The following GUCY1A2 variants were observed in gnomAD, a reference collection of about 807,000 sequenced individuals.
GUCY1A2 encodes the protein guanylate cyclase soluble subunit alpha-2.
In GUCY1A2, 27 loss-of-function variants were observed where a neutral mutation model predicts 63.5. The observed-to-expected ratio is 0.43, with a 90% CI of 0.31 to 0.59. GUCY1A2 has a LOEUF of 0.59. GUCY1A2 is among the 20% of genes least tolerant of loss of function. The probability of loss-of-function intolerance (pLI) is 0.11; values close to 1 mark genes in which losing one functional copy is unlikely to be tolerated. For missense variants in GUCY1A2, 768 were observed against 913.3 expected, an observed-to-expected ratio of 0.84 and a Z score of 2.05; for synonymous variants, 364 against 343.5, an observed-to-expected ratio of 1.06 and a Z score of -0.66.
intron 1 of GUCY1A2, among the ~76,000 whole-genome samples, chr11:107,004,975 G>T (rs181962404): frequency 6.6e-6 from 1 of 152,276 alleles, no homozygotes; most frequent in East Asian, 1.9e-4. Context: ...CTCTGTTAAA[G>T]TCCTATGACC....
At chr11:106,737,942 C>G (rs1308749011) in intron 6 of GUCY1A2, among the ~76,000 whole-genome samples, 1 of 152,122 alleles carries the variant, frequency 6.6e-6, no homozygotes, top group Non-Finnish European at 1.5e-5. Flanking sequence ...AATGGTAATT[C>G]TGGTTCTAGA....
At chr11:106,755,472 T>C (rs1196727816) in intron 6 of GUCY1A2, among the ~76,000 whole-genome samples, 1 of 152,204 alleles carries the variant, frequency 6.6e-6, no homozygotes, top group Non-Finnish European at 1.5e-5. Flanking sequence ...CTGCTTTCTC[T>C]TGTGGGTATT....
Position 106,674,934 on chromosome 11 carries a change from C to A in GUCY1A2, c.*12615G>T, listed in dbSNP as rs1862320214. Reference sequence around the variant, plus strand: ...CCTATTTATTATTATATAGTGCCTGCAGACTTGATGGAAGTGCATTGGCTG... The same window carrying A: ...CCTATTTATTATTATATAGTGCCTGAAGACTTGATGGAAGTGCATTGGCTG... On this transcript the variant is annotated 3_prime_UTR_variant, in exon 8 of 8. Transcript: ENST00000526355. The A allele has an allele frequency of 4.6e-6, 1 of 215,676 alleles. No individual in the cohort carries two copies. The highest frequency in any genetic ancestry group is 2.3e-5 in the African/African-American group (1 of 44,298). 13.4% of individuals were successfully genotyped at this position (215,676 alleles called of 1,614,324 possible).
chr11:106,798,820 C>A (rs2135417290), intron 5 of GUCY1A2, among the ~76,000 whole-genome samples: 1 of 151,862 alleles, frequency 6.6e-6, no homozygotes, highest in East Asian at 1.9e-4. Context: ...ACTGAATGGG[C>A]AAAAACTGGA....
At chr11:106,964,754 C>T (rs192180558) in intron 3 of GUCY1A2, among the ~76,000 whole-genome samples, 39 of 152,136 alleles carry the variant, frequency 2.6e-4, no homozygotes, top group African/African-American at 7.2e-4. Flanking sequence ...CCAAGGCGGG[C>T]GGATCATGAG....
At chr11:106,984,172 T>TA (rs1861372608) in intron 2 of GUCY1A2, among the ~76,000 whole-genome samples, 1 of 152,124 alleles carries the variant, frequency 6.6e-6, no homozygotes, top group Non-Finnish European at 1.5e-5. Flanking sequence ...TGAATGCAAA[T>TA]AAAGTCAGTG....
At chr11:106,728,645 A>G (rs1271294581) in intron 6 of GUCY1A2, among the ~76,000 whole-genome samples, 3 of 152,158 alleles carry the variant, frequency 2.0e-5, no homozygotes, top group African/African-American at 4.8e-5. Flanking sequence ...TTAGGCAAAA[A>G]TATATTTACT....
At chr11:106,700,171 C>CTAA (rs1862795228) in intron 7 of GUCY1A2, among the ~76,000 whole-genome samples, 1 of 151,966 alleles carries the variant, frequency 6.6e-6, no homozygotes, top group Non-Finnish European at 1.5e-5. Flanking sequence ...GCAATTAGAC[C>CTAA]TTTAAGAGTA....
intron 4 of GUCY1A2, among the ~76,000 whole-genome samples, chr11:106,816,094 A>G (rs936475367): frequency 2.0e-5 from 3 of 151,828 alleles, no homozygotes; most frequent in East Asian, 3.9e-4. Context: ...CAAAAACAAC[A>G]AAATCTACAA....
At chr11:106,994,583 C>T (rs1429872781) in intron 1 of GUCY1A2, among the ~76,000 whole-genome samples, 1 of 152,200 alleles carries the variant, frequency 6.6e-6, no homozygotes, top group Non-Finnish European at 1.5e-5. Flanking sequence ...CTATTAGATA[C>T]TCACAACAAT....
chr11:106,925,919 C>T (rs555300801), intron 4 of GUCY1A2, among the ~76,000 whole-genome samples: 4 of 152,156 alleles, frequency 2.6e-5, no homozygotes, highest in Non-Finnish European at 2.9e-5. Context: ...ATAAACCATT[C>T]GTTCTGGTGA....
At chr11:106,800,316 G>T (rs533207649) in intron 5 of GUCY1A2, among the ~76,000 whole-genome samples, 44 of 152,298 alleles carry the variant, frequency 2.9e-4, no homozygotes, top group African/African-American at 9.6e-4. Flanking sequence ...CAACCATCGT[G>T]GAAGACAGTG....
At chr11:106,947,164 C>T (rs1860840736) in intron 3 of GUCY1A2, among the ~76,000 whole-genome samples, 1 of 150,948 alleles carries the variant, frequency 6.6e-6, no homozygotes, top group Non-Finnish European at 1.5e-5. Context: ...TTGCAGTGAG[C>T]CAAGATCGCA....
chr11:106,923,235 T>A (rs1399927492), intron 4 of GUCY1A2, among the ~76,000 whole-genome samples: 3 of 152,200 alleles, frequency 2.0e-5, no homozygotes, highest in Non-Finnish European at 2.9e-5. Context: ...ATATAATACC[T>A]TACATAAGCA....
At chr11:106,706,504 T>C (rs1862913920) in intron 7 of GUCY1A2, among the ~76,000 whole-genome samples, 1 of 150,906 alleles carries the variant, frequency 6.6e-6, no homozygotes, top group South Asian at 2.1e-4. Flanking sequence ...ACAAAAACTC[T>C]GAGTCACCAC....
In GUCY1A2 at chr11:106,687,404, A is replaced by T. The variant is rs1296173958; in HGVS notation, c.*145T>A. 1 of 665,454 alleles carries T rather than the reference A, an allele frequency of 1.5e-6. No homozygotes were observed. The highest frequency in any genetic ancestry group is 2.7e-6 in the Non-Finnish European group (1 of 375,620). 41.2% of individuals were successfully genotyped at this position (665,454 alleles called of 1,614,324 possible). On this transcript the variant is annotated 3_prime_UTR_variant, in exon 8 of 8. Coordinates refer to ENST00000526355, the MANE Select transcript of GUCY1A2 (RefSeq NM_000855.3). Reference sequence around the variant, plus strand: ...ACAGCGGTCACCTCCACCTTTTAGTAGGATTATTGCCTGACATAATACAGA... The same window carrying T: ...ACAGCGGTCACCTCCACCTTTTAGTTGGATTATTGCCTGACATAATACAGA...
chr11:106,917,493 T>C (rs1365902477), intron 4 of GUCY1A2, among the ~76,000 whole-genome samples: 3 of 144,948 alleles, frequency 2.1e-5, no homozygotes, highest in Non-Finnish European at 4.6e-5. Context: ...CATATGCACA[T>C]GTATGTTTAT....
intron 4 of GUCY1A2, among the ~76,000 whole-genome samples, chr11:106,928,500 C>A (rs1307945143): frequency 4.7e-4 from 70 of 150,474 alleles, no homozygotes; most frequent in Non-Finnish European, 8.7e-4. Flanking sequence ...AAAAAAAAAA[C>A]CACCATGTCT....
In GUCY1A2 at chr11:106,683,548, T is replaced by G. The variant is rs1173334185; in HGVS notation, c.*4001A>C. On this transcript the variant is annotated 3_prime_UTR_variant, in exon 8 of 8. Coordinates refer to ENST00000526355, the MANE Select transcript of GUCY1A2 (RefSeq NM_000855.3). The stretch of plus-strand genomic sequence containing the variant: ...AGGCCTGACTGTGTGTGGTCCTTCC[T>G]ATCCGCCTGAATGAGGCACCAGCAA... 1 of 228,088 alleles carries G rather than the reference T, an allele frequency of 4.4e-6. No homozygotes were observed. The highest frequency in any genetic ancestry group is 2.2e-5 in the African/African-American group (1 of 45,016). 14.1% of individuals were successfully genotyped at this position (228,088 alleles called of 1,614,324 possible).
Sources: gnomAD v4.1 joint callset for allele counts (sites outside exome capture counted in the v4.1 genomes callset) on GRCh38, gnomAD v4.1.1 for gene constraint, MANE v1.5 for transcripts, NCBI Gene and HGNC (gene_info 2026-07-23, HGNC 2026-07-21) for gene names.